Variants in HCN1 observed in about 807,000 individuals in gnomAD.
HCN1 encodes the protein potassium/sodium hyperpolarization-activated cyclic nucleotide-gated channel 1.
In HCN1, 13 loss-of-function variants were observed where a neutral mutation model predicts 78.9. That is an observed-to-expected ratio of 0.16 (90% CI 0.11 to 0.26). The LOEUF is 0.26. Ranked by LOEUF, HCN1 falls within the 10% of genes least tolerant of loss-of-function variation. The pLI is 1.00. For missense variants in HCN1, 810 were observed against 1,154.3 expected, an observed-to-expected ratio of 0.70 and a Z score of 4.32; for synonymous variants, 552 against 455.5, an observed-to-expected ratio of 1.21 and a Z score of -2.70.
At position 45,303,865 on chromosome 5, in the gene HCN1, A is replaced by G. The variant is rs1554016788; in HGVS notation, c.1378-26T>C. On this transcript the variant is annotated intron_variant, in intron 5 of 7. Transcript: ENST00000303230. The stretch of plus-strand genomic sequence containing the variant: ...CTAAAGATGTCAAGAGTAAACAAAT[A>G]TTAAGAGAGATATTAATCATATCTG... 3.8e-6 allele frequency: 6 copies of G among 1,592,338 alleles called. No individual in the cohort carries two copies. The South Asian group carries it at 4.4e-5, about 12-fold the overall frequency.
At chr5:45,581,177 C>A (rs1209752555) in intron 2 of HCN1, among the ~76,000 whole-genome samples, 1 of 152,184 alleles carries the variant, frequency 6.6e-6, no homozygotes, top group African/African-American at 2.4e-5. Context: ...GTTCCTATTT[C>A]TCCACATCAT....
chr5:45,501,426 C>G (rs1190189522), intron 2 of HCN1, among the ~76,000 whole-genome samples: 1 of 151,176 alleles, frequency 6.6e-6, no homozygotes, highest in East Asian at 1.9e-4. Context: ...ACAAATTTCA[C>G]TTTTTTTTTG....
intron 2 of HCN1, among the ~76,000 whole-genome samples, chr5:45,494,400 T>C (rs1403229076): frequency 6.6e-6 from 1 of 152,166 alleles, no homozygotes; most frequent in Non-Finnish European, 1.5e-5. Context: ...AATGTCTTCT[T>C]TTGAGAAGTG....
In HCN1 at chr5:45,267,126, G is replaced by A. The variant is rs763007932; in HGVS notation, c.1746C>T (p.Ala582=). The change falls in exon 7 of 8, where the codon GCC becomes GCT. Residue 582 remains alanine (A), a synonymous_variant. Transcript: ENST00000303230. ...VLEEYPMMRR[A]FETVAIDRLD... ...GTCGGTCAATGGCAACTGTCTCAAA[G>A]GCTCTCCTCATCATTGGATATTCCT... is the stretch of plus-strand genomic sequence containing the variant. 2 of 1,613,932 alleles carry A rather than the reference G, an allele frequency of 1.2e-6. No homozygotes were observed. Among genetic ancestry groups the A allele is most frequent in the South Asian group, 2.2e-5 (2 of 91,070 alleles).
intron 3 of HCN1, among the ~76,000 whole-genome samples, chr5:45,411,354 C>T (rs1740016918): frequency 6.6e-6 from 1 of 151,374 alleles, no homozygotes; most frequent in African/African-American, 2.4e-5. Flanking sequence ...TTTCTTTTAA[C>T]TTCTGTTTTT....
At chr5:45,585,008 T>C (rs1744179634) in intron 2 of HCN1, among the ~76,000 whole-genome samples, 1 of 152,226 alleles carries the variant, frequency 6.6e-6, no homozygotes, top group Non-Finnish European at 1.5e-5. Context: ...TTATGTGTCT[T>C]GGAGTTGCTC....
At position 45,262,030 on chromosome 5, in the gene HCN1, C is replaced by G; in HGVS notation, c.2564G>C (p.Gly855Ala). The change falls in exon 8 of 8, where the codon GGA (glycine) becomes GCA (alanine). Residue 855 changes from glycine to alanine, a missense_variant. Physicochemically the swap from Gly to Ala is moderately conservative, Grantham distance 60. Around this residue, in one of 6 missense-constraint regions of HCN1, gnomAD observed 398 missense variants for 381.3 expected, o/e 1.04. Coordinates refer to ENST00000303230, the MANE Select transcript of HCN1 (RefSeq NM_021072.4). Reference protein sequence around the residue: ...MSSGAIPPNRGVPPAPPPPAA... With the variant: ...MSSGAIPPNRAVPPAPPPPAA... Reference sequence around the variant, plus strand: ...TGGTGGAGGGGGTGCTGGAGGGACTCCTCGGTTCGGGGGGATGGCTCCCGA... The same window carrying G: ...TGGTGGAGGGGGTGCTGGAGGGACTGCTCGGTTCGGGGGGATGGCTCCCGA... 1.9e-6 allele frequency: 3 copies of G among 1,613,986 alleles called. No homozygotes were observed. The highest frequency in any genetic ancestry group is 2.5e-6 in the Non-Finnish European group (3 of 1,180,016).
chr5:45,338,787 A>T (rs1347615227), intron 5 of HCN1, among the ~76,000 whole-genome samples: 1 of 152,136 alleles, frequency 6.6e-6, no homozygotes, highest in African/African-American at 2.4e-5. Context: ...ATTTGATGTT[A>T]TATTTCTCAT....
chr5:45,402,022 A>T (rs1167027640), intron 3 of HCN1, among the ~76,000 whole-genome samples: 1 of 152,104 alleles, frequency 6.6e-6, no homozygotes, highest in Non-Finnish European at 1.5e-5. Flanking sequence ...ACGAAGTTTG[A>T]TGGGGAGTAG....
chr5:45,315,141 C>G (rs1013838707), intron 5 of HCN1, among the ~76,000 whole-genome samples: 8 of 152,148 alleles, frequency 5.3e-5, no homozygotes, highest in African/African-American at 1.9e-4. Flanking sequence ...ACACTTATTC[C>G]AAAATTGACA....
At chr5:45,326,483 A>T (rs1036791354) in intron 5 of HCN1, among the ~76,000 whole-genome samples, 2 of 151,646 alleles carry the variant, frequency 1.3e-5, no homozygotes, top group Non-Finnish European at 1.5e-5. Flanking sequence ...TTATAGTTAT[A>T]TTAAGAAAAA....
At chr5:45,286,334 T>C (rs946602266) in intron 6 of HCN1, among the ~76,000 whole-genome samples, 6 of 152,010 alleles carry the variant, frequency 3.9e-5, no homozygotes, top group African/African-American at 1.4e-4. Flanking sequence ...ATTTAAGAAG[T>C]ACTAGACCAA....
intron 7 of HCN1, among the ~76,000 whole-genome samples, chr5:45,265,996 T>C (rs1744848617): frequency 6.6e-6 from 1 of 151,910 alleles, no homozygotes; most frequent in Non-Finnish European, 1.5e-5. Context: ...GAGAGGAAGG[T>C]TGAGCAGAGT....
intron 4 of HCN1, among the ~76,000 whole-genome samples, chr5:45,387,562 C>T (rs923629613): frequency 1.3e-5 from 2 of 151,976 alleles, no homozygotes; most frequent in Non-Finnish European, 2.9e-5. Context: ...AAATAAGACA[C>T]GGTGTATAAG....
chr5:45,510,888 G>A (rs186016696), intron 2 of HCN1, among the ~76,000 whole-genome samples: 11 of 141,512 alleles, frequency 7.8e-5, no homozygotes, highest in African/African-American at 2.6e-4. Context: ...TTTATTGTTG[G>A]TGTCCATATC....
intron 3 of HCN1, among the ~76,000 whole-genome samples, chr5:45,425,141 C>A (rs1015756487): frequency 6.6e-6 from 1 of 152,170 alleles, no homozygotes; most frequent in African/African-American, 2.4e-5. Flanking sequence ...AACTTTTAAA[C>A]TAGTCCCTAT....
At chr5:45,354,248 T>C (rs1226653413) in intron 4 of HCN1, among the ~76,000 whole-genome samples, 1 of 151,834 alleles carries the variant, frequency 6.6e-6, no homozygotes, top group Non-Finnish European at 1.5e-5. Context: ...ACCTTAAAGT[T>C]TGAGAAACAA....
At chr5:45,349,420 A>C (rs1471658302) in intron 5 of HCN1, among the ~76,000 whole-genome samples, 1 of 152,234 alleles carries the variant, frequency 6.6e-6, no homozygotes, top group Non-Finnish European at 1.5e-5. Context: ...AAGAGAAAGC[A>C]GGAAAGATCC....
At chr5:45,452,662 T>C (rs1740948174) in intron 3 of HCN1, among the ~76,000 whole-genome samples, 1 of 151,776 alleles carries the variant, frequency 6.6e-6, no homozygotes, top group South Asian at 2.1e-4. Flanking sequence ...TTAAAGAAAA[T>C]GGGCCAATTA....
Sources: allele counts gnomAD v4.1 joint callset (sites outside exome capture counted in the v4.1 genomes callset), GRCh38; gene constraint gnomAD v4.1.1; regional missense constraint gnomAD v4.1.1; transcripts MANE v1.5; gene names NCBI Gene and HGNC (gene_info 2026-07-23, HGNC 2026-07-21).